The following CD226 variants were observed in gnomAD, a reference collection of about 807,000 sequenced individuals.
CD226 encodes the protein CD226 molecule, also known as CD226 antigen.
CD226 carries 24 observed loss-of-function variants against 34.9 expected under a neutral mutation model. That is an observed-to-expected ratio of 0.69 (90% confidence interval 0.50 to 0.97). The LOEUF (loss-of-function observed/expected upper bound fraction) is 0.97, where lower values mean the gene tolerates loss of function less well. Among genes scored for constraint, CD226 ranks in the 50% least tolerant of loss-of-function variants. CD226 has a pLI of 0.00. For synonymous variants in CD226, 148 were observed against 147.4 expected (o/e 1.00, Z -0.03); for missense variants, 397 against 412.7 (o/e 0.96, Z 0.33).
At position 69,856,212 on chromosome 18, in the gene CD226, T is replaced by C. The variant is rs1982605501; in HGVS notation, c.*8102A>G. The C allele has an allele frequency of 1.3e-5, 2 of 152,138 alleles. No individual in the cohort carries two copies. The highest frequency in any genetic ancestry group is 4.1e-4 in the South Asian group (2 of 4,824). 9.4% of individuals were successfully genotyped at this position (152,138 alleles called of 1,614,324 possible). The stretch of plus-strand genomic sequence containing the variant: ...AAGATTATCAAGAATAAAAGGGACA[T>C]TACATGTGGTAAAGGGGTCAATTCT... On this transcript the variant is annotated 3_prime_UTR_variant, in exon 6 of 6. Transcript: ENST00000582621.
intron 3 of CD226, among the ~76,000 whole-genome samples, chr18:69,881,362 T>C (rs1984250636): frequency 6.6e-6 from 1 of 152,210 alleles, no homozygotes; most frequent in Non-Finnish European, 1.5e-5. Flanking sequence ...TGTCCCACTT[T>C]AGACATTGGT....
At chr18:69,925,934 G>A (rs2055515877) in intron 2 of CD226, among the ~76,000 whole-genome samples, 2 of 152,168 alleles carry the variant, frequency 1.3e-5, no homozygotes, top group Admixed American at 6.5e-5. Context: ...CCTGAGGCCA[G>A]GAGTTCGAGA....
chr18:69,959,394 C>T (rs1411398611), upstream of CD226, among the ~76,000 whole-genome samples: 1 of 152,176 alleles, frequency 6.6e-6, no homozygotes, highest in African/African-American at 2.4e-5. Context: ...CAAAGACACT[C>T]TTCAACCTTA....
rs1479429578 is a variant in CD226, at chr18:69,863,686, C to G, written c.*628G>C. On this transcript the variant is annotated 3_prime_UTR_variant, in exon 6 of 6. Coordinates refer to ENST00000582621, the MANE Select transcript of CD226 (RefSeq NM_001303618.2). ...TAAACTCTCCAGCTTTGAGACTCCC[C>G]TTTCCTCTTCTAACCATGCTCTGAA... 1 of 152,224 alleles carries G rather than the reference C, an allele frequency of 6.6e-6. No individual in the cohort carries two copies. The highest frequency in any genetic ancestry group is 6.5e-5 in the Admixed American group (1 of 15,282). The allele number at this position is 152,224 out of a possible 1,614,324, so 9.4% of individuals were successfully genotyped here. A position where few individuals can be genotyped will look rare whatever the true frequency, so the allele number is the denominator to read the frequency against.
upstream of CD226, among the ~76,000 whole-genome samples, chr18:69,957,459 G>GT (rs1007062514): frequency 6.6e-6 from 1 of 151,982 alleles, no homozygotes; most frequent in Admixed American, 6.6e-5. Context: ...GAAACACTAG[G>GT]TTTTTTGCTG....
intron 2 of CD226, among the ~76,000 whole-genome samples, chr18:69,922,035 A>G (rs1156726725): frequency 6.6e-6 from 1 of 152,242 alleles, no homozygotes; most frequent in African/African-American, 2.4e-5. Context: ...AGAAATCCCC[A>G]TGATAAAGGA....
At chr18:69,891,042 C>A (rs1246686862) in intron 3 of CD226, among the ~76,000 whole-genome samples, 15 of 144,312 alleles carry the variant, frequency 1.0e-4, no homozygotes, top group Admixed American at 1.0e-3. Flanking sequence ...AACCTACAGG[C>A]TGACATCCCT....
Position 69,862,191 on chromosome 18 carries a change from A to G in CD226, c.*2123T>C, listed in dbSNP as rs1982864435. On this transcript the variant is annotated 3_prime_UTR_variant, in exon 6 of 6. Coordinates refer to ENST00000582621, the MANE Select transcript of CD226 (RefSeq NM_001303618.2). Reference sequence around the variant, plus strand: ...TATACTGTCCCTTCCACACCCAGTCATAATTTTCTCTCTTAAAATTGGATT... The same window carrying G: ...TATACTGTCCCTTCCACACCCAGTCGTAATTTTCTCTCTTAAAATTGGATT... 1 of 152,178 alleles carries G rather than the reference A, an allele frequency of 6.6e-6. No homozygotes were observed. The highest frequency in any genetic ancestry group is 6.5e-5 in the Admixed American group (1 of 15,274). 9.4% of individuals were successfully genotyped at this position (152,178 alleles called of 1,614,324 possible). A position where few individuals can be genotyped will look rare whatever the true frequency, so the allele number is the denominator to read the frequency against.
chr18:69,865,532 T>C (rs1473650031), intron 5 of CD226, among the ~76,000 whole-genome samples: 1 of 151,528 alleles, frequency 6.6e-6, no homozygotes, highest in Non-Finnish European at 1.5e-5. Flanking sequence ...TAAATGTGAC[T>C]AGACTGGCAT....
chr18:69,892,568 T>G (rs923947486), intron 3 of CD226, among the ~76,000 whole-genome samples: 2 of 152,352 alleles, frequency 1.3e-5, no homozygotes, highest in African/African-American at 4.8e-5. Context: ...TTCTTTTCAC[T>G]CAGCAAAGAA....
chr18:69,864,529 G>C, intron 5 of CD226, 90 bp from the exon 6 acceptor site: 6 of 1,238,396 alleles, frequency 4.8e-6, no homozygotes, highest in African/African-American at 1.5e-5. Context: ...ATAAATGCAG[G>C]CATGATATGG....
intron 2 of CD226, among the ~76,000 whole-genome samples, chr18:69,897,717 A>G (rs562595448): frequency 6.6e-6 from 1 of 152,348 alleles, no homozygotes; most frequent in South Asian, 2.1e-4. Context: ...GAAAGGAGAC[A>G]GAGAAACAAA....
Position 69,864,331 on chromosome 18 carries a change from G to A in CD226, c.994C>T (p.Pro332Ser). Residue 332 changes from proline to serine, a missense_variant, in exon 6 of 6, where the codon CCA (proline) becomes TCA (serine). Pro to Ser is a moderately conservative substitution (Grantham distance 74). Transcript: ENST00000582621. ...GAATAAGCTTAAACTCTAGTCTTTG[G>A]TCTGCGAGAGAAGGTTGGATAGTTG... The part of the protein sequence containing the change: ...YVNYPTFSRR[P>S]KTRV 2 of 1,613,750 alleles carry A rather than the reference G, an allele frequency of 1.2e-6. No individual in the cohort carries two copies. Among genetic ancestry groups the A allele is most frequent in the Non-Finnish European group, 8.5e-7 (1 of 1,179,794 alleles).
intron 2 of CD226, among the ~76,000 whole-genome samples, chr18:69,902,592 G>A (rs1389145419): frequency 2.0e-5 from 3 of 151,092 alleles, no homozygotes; most frequent in African/African-American, 7.3e-5. Context: ...TGTGCCCCCA[G>A]GAGTCCACTG....
chr18:69,884,139 G>GGCAGGCCGTCCTAAGGACTGTAGTC (rs1984424491), intron 3 of CD226, among the ~76,000 whole-genome samples: 1 of 152,182 alleles, frequency 6.6e-6, no homozygotes, highest in Non-Finnish European at 1.5e-5. Context: ...CAACCTTGCA[G>GGCAGGCCGTCCTAAGGACTGTAGTC]GCAGGCCGTC....
chr18:69,953,183 C>T (rs747328136), intron 1 of CD226, among the ~76,000 whole-genome samples: 6 of 152,146 alleles, frequency 3.9e-5, no homozygotes, highest in Non-Finnish European at 5.9e-5. Flanking sequence ...AAACGTTCAA[C>T]AGGATTACTG....
intron 3 of CD226, among the ~76,000 whole-genome samples, chr18:69,891,511 A>G (rs1409240027): frequency 2.6e-5 from 4 of 152,204 alleles, no homozygotes; most frequent in Non-Finnish European, 5.9e-5. Flanking sequence ...AAAGAAAACA[A>G]AAGGCATTCA....
chr18:69,901,695 T>A (rs569186663), intron 2 of CD226, among the ~76,000 whole-genome samples: 4 of 151,914 alleles, frequency 2.6e-5, no homozygotes, highest in Admixed American at 1.3e-4. Context: ...CTGGCTAACA[T>A]GGTGAAACCC....
At chr18:69,927,383 CACACAA>C (rs1241419485) in intron 2 of CD226, among the ~76,000 whole-genome samples, 2 of 146,840 alleles carry the variant, frequency 1.4e-5, no homozygotes, top group Non-Finnish European at 3.0e-5. Context: ...CACACACACA[CACACAA>C]ACACACACAC....
Sources: allele counts gnomAD v4.1 joint callset (sites outside exome capture counted in the v4.1 genomes callset), GRCh38; gene constraint gnomAD v4.1.1; transcripts MANE v1.5; gene names NCBI Gene and HGNC (gene_info 2026-07-23, HGNC 2026-07-21).